Variants in SCD5 observed in about 807,000 individuals in gnomAD.
The protein encoded by SCD5 is acyl-CoA-desaturase 4.
SCD5 carries 20 observed loss-of-function variants against 30.4 expected under a neutral mutation model. That is an observed-to-expected ratio of 0.66 (90% confidence interval 0.46 to 0.96). SCD5 has a LOEUF of 0.96. SCD5 is among the 40% of genes least tolerant of loss of function. The pLI is 0.00. For missense variants in SCD5, 381 were observed against 443.3 expected, an observed-to-expected ratio of 0.86 and a Z score of 1.26; for synonymous variants, 173 against 176.4, an observed-to-expected ratio of 0.98 and a Z score of 0.16.
At chr4:82,685,281 C>T (rs988163193) in intron 2 of SCD5, among the ~76,000 whole-genome samples, 5 of 151,004 alleles carry the variant, frequency 3.3e-5, no homozygotes, top group African/African-American at 7.3e-5. Flanking sequence ...TTAGCAGAGA[C>T]GCCATACTAT....
At chr4:82,710,860 G>A (rs530243634) in intron 1 of SCD5, among the ~76,000 whole-genome samples, 29 of 146,826 alleles carry the variant, frequency 2.0e-4, no homozygotes, top group African/African-American at 7.3e-4. Context: ...GAGAAAATGA[G>A]AGAGAGAGAA....
chr4:82,661,599 A>G (rs941875761), intron 3 of SCD5, among the ~76,000 whole-genome samples: 7 of 152,252 alleles, frequency 4.6e-5, no homozygotes, highest in Non-Finnish European at 8.8e-5. Context: ...TTTGGACAGC[A>G]AAAATAATGG....
intron 1 of SCD5, among the ~76,000 whole-genome samples, chr4:82,788,531 C>G (rs374689075): frequency 6.6e-6 from 1 of 152,180 alleles, no homozygotes. Flanking sequence ...ACTGGGATTA[C>G]AAGTGTTCAC....
intron 1 of SCD5, among the ~76,000 whole-genome samples, chr4:82,736,295 C>T (rs1161943579): frequency 2.0e-5 from 3 of 149,938 alleles, no homozygotes; most frequent in Non-Finnish European, 4.4e-5. Flanking sequence ...TAAGAAAAAA[C>T]AAAACAAAAC....
chr4:82,765,025 C>T (rs1462314259), intron 1 of SCD5, among the ~76,000 whole-genome samples: 1 of 152,214 alleles, frequency 6.6e-6, no homozygotes, highest in Non-Finnish European at 1.5e-5. Context: ...CCATGCCCGG[C>T]TAAGATATTT....
intron 1 of SCD5, among the ~76,000 whole-genome samples, chr4:82,788,399 A>T (rs778651067): frequency 6.6e-5 from 10 of 152,166 alleles, no homozygotes; most frequent in South Asian, 2.1e-4. Flanking sequence ...GACTTTTTTT[A>T]AAATCTTTTT....
intron 3 of SCD5, among the ~76,000 whole-genome samples, chr4:82,659,432 A>G (rs1379182712): frequency 6.6e-6 from 1 of 152,100 alleles, no homozygotes; most frequent in African/African-American, 2.4e-5. Flanking sequence ...TAGGATGTCA[A>G]TTTTAGATCT....
At chr4:82,797,163 A>G (rs1457956555) in intron 1 of SCD5, among the ~76,000 whole-genome samples, 2 of 152,172 alleles carry the variant, frequency 1.3e-5, no homozygotes, top group African/African-American at 4.8e-5. Context: ...TGCAGCTGGC[A>G]CCATGCCAAA....
At chr4:82,730,790 T>A (rs1021266937) in intron 1 of SCD5, among the ~76,000 whole-genome samples, 18 of 152,060 alleles carry the variant, frequency 1.2e-4, no homozygotes. Context: ...TTCACCATGT[T>A]AGCCAAGATG....
intron 3 of SCD5, among the ~76,000 whole-genome samples, chr4:82,665,603 A>G (rs1189471777): frequency 1.3e-5 from 2 of 152,036 alleles, no homozygotes; most frequent in East Asian, 3.8e-4. Flanking sequence ...TGGTAAAAAT[A>G]CCTTTAAAAA....
chr4:82,662,179 C>T (rs146472061), intron 3 of SCD5, among the ~76,000 whole-genome samples: 256 of 152,264 alleles, frequency 1.7e-3, no homozygotes, highest in Non-Finnish European at 2.8e-3. Flanking sequence ...GCCTCAGCCT[C>T]CTAAGTAGCT....
At chr4:82,777,122 T>C (rs971102049) in intron 1 of SCD5, among the ~76,000 whole-genome samples, 9 of 152,204 alleles carry the variant, frequency 5.9e-5, no homozygotes, top group African/African-American at 2.2e-4. Flanking sequence ...ACAGTGGCCC[T>C]CTCTCTGAGC....
chr4:82,798,568 G>A lies in SCD5; in HGVS notation c.-31C>T, dbSNP rs1578073571. On this transcript the variant is annotated 5_prime_UTR_variant, in exon 1 of 5. Transcript: ENST00000319540. ...GGCGAGGTGGGCGCCCGCAGCAGCG[G>A]CAGGCAGGCAGGCGCTCTGCCCGAG... 1 of 1,525,620 alleles carries A rather than the reference G, an allele frequency of 6.6e-7. No individual in the cohort carries two copies. Among genetic ancestry groups the A allele is most frequent in the Non-Finnish European group, 8.8e-7 (1 of 1,135,342 alleles). 94.5% of individuals were successfully genotyped at this position (1,525,620 alleles called of 1,614,324 possible). A position where few individuals can be genotyped will look rare whatever the true frequency, so the allele number is the denominator to read the frequency against.
At chr4:82,763,252 C>A (rs1450499148) in intron 1 of SCD5, among the ~76,000 whole-genome samples, 2 of 152,230 alleles carry the variant, frequency 1.3e-5, no homozygotes, top group African/African-American at 4.8e-5. Context: ...TGACTCACAT[C>A]TGTAATCCCA....
chr4:82,776,385 A>G (rs1721745006), intron 1 of SCD5, among the ~76,000 whole-genome samples: 1 of 152,224 alleles, frequency 6.6e-6, no homozygotes, highest in Non-Finnish European at 1.5e-5. Flanking sequence ...TGTTGTGTCA[A>G]TTTGACCTGA....
intron 3 of SCD5, among the ~76,000 whole-genome samples, chr4:82,650,275 T>A (rs1397297859): frequency 2.6e-5 from 4 of 152,184 alleles, no homozygotes; most frequent in Admixed American, 1.3e-4. Context: ...ATTATTTTAA[T>A]ATAAAATGAT....
intron 3 of SCD5, chr4:82,660,791 TA>T: frequency 1.9e-6 from 3 of 1,600,096 alleles, no homozygotes; most frequent in Non-Finnish European, 1.7e-6. Context: ...TTCACACCGT[TA>T]AAAAAGGCCT....
chr4:82,694,411 G>T (rs980450046), intron 2 of SCD5, among the ~76,000 whole-genome samples: 1 of 152,228 alleles, frequency 6.6e-6, no homozygotes, highest in Non-Finnish European at 1.5e-5. Flanking sequence ...GCTGTGGCCA[G>T]TGGGAAAATG....
chr4:82,727,713 T>G (rs1266790779), intron 1 of SCD5, among the ~76,000 whole-genome samples: 1 of 152,192 alleles, frequency 6.6e-6, no homozygotes, highest in Non-Finnish European at 1.5e-5. Flanking sequence ...TTTTGTTTCA[T>G]TTTTGTTTTT....
Sources: gnomAD v4.1 joint callset for allele counts (sites outside exome capture counted in the v4.1 genomes callset) on GRCh38, gnomAD v4.1.1 for gene constraint, MANE v1.5 for transcripts, NCBI Gene and HGNC (gene_info 2026-07-23, HGNC 2026-07-21) for gene names.